EYS: variants seen among roughly 807,000 people sequenced by gnomAD.
The protein encoded by EYS is EGF-like photoreceptor maintenance factor, also known as protein eyes shut homolog.
A neutral mutation model predicts 282.1 loss-of-function variants in EYS; 250 were observed. The ratio of observed to expected loss-of-function variants is 0.89; its 90% CI spans 0.80 to 0.98. EYS has a LOEUF of 0.98. Among genes scored for constraint, EYS ranks in the 50% least tolerant of loss-of-function variants. The probability of loss-of-function intolerance (pLI) is 0.00; values close to 1 mark genes in which losing one functional copy is unlikely to be tolerated. For synonymous variants in EYS, 1,355 were observed against 1,282.9 expected, an observed-to-expected ratio of 1.06 and a Z score of -1.20; for missense variants, 4,016 against 3,709.0, an observed-to-expected ratio of 1.08 and a Z score of -2.15.
chr6:64,488,644 T>C (rs1484410008), intron 26 of EYS, among the ~76,000 whole-genome samples: 1 of 151,086 alleles, frequency 6.6e-6, no homozygotes, highest in Non-Finnish European at 1.5e-5. Flanking sequence ...TAACTATGTT[T>C]ATAATAAAAA....
Position 65,120,460 on chromosome 6 carries a change from C to CAAAAAAAAAAAAA in EYS, c.2024-62746_2024-62734dup, listed in dbSNP as rs67505285. ...ACATTACTCTTTTTCTTTAAATAAGCAAAAAAAAAAAAAAAAAAAAAAAAT... is the reference window on the plus strand; with the variant it reads ...ACATTACTCTTTTTCTTTAAATAAGCAAAAAAAAAAAAAAAAAAAAAAAAAAAAAAAAAAAAAT... On this transcript the variant is annotated intron_variant, in intron 12 of 42. Transcript: ENST00000503581. Among the ~76,000 whole-genome samples, 65 of 68,256 alleles carry CAAAAAAAAAAAAA rather than the reference C, an allele frequency of 9.5e-4. 1 individual carries two copies. The highest frequency in any genetic ancestry group is 2.7e-3 in the African/African-American group (45 of 16,726). 44.8% of individuals were successfully genotyped at this position (68,256 alleles called of 152,430 possible). A position where few individuals can be genotyped will look rare whatever the true frequency, so the allele number is the denominator to read the frequency against.
intron 7 of EYS, among the ~76,000 whole-genome samples, chr6:65,402,079 T>C (rs1222941801): frequency 6.6e-6 from 1 of 151,872 alleles, no homozygotes; most frequent in Non-Finnish European, 1.5e-5. Flanking sequence ...CTGAGGTTTG[T>C]GAAACACAGG....
intron 12 of EYS, among the ~76,000 whole-genome samples, chr6:65,271,127 A>ATTATATATATATATAT: frequency 1.6e-4 from 1 of 6,278 alleles, no homozygotes; most frequent in South Asian, 0.016. Context: ...GAATCAATAG[A>ATTATATATATATATAT]TTATATATAT....
At chr6:65,300,085 A>T (rs1768775822) in intron 11 of EYS, among the ~76,000 whole-genome samples, 1 of 152,090 alleles carries the variant, frequency 6.6e-6, no homozygotes, top group Non-Finnish European at 1.5e-5. Flanking sequence ...CTATATTTTT[A>T]GTTTTGTTTA....
chr6:65,095,316 A>C (rs1222256768), intron 12 of EYS, among the ~76,000 whole-genome samples: 1 of 151,188 alleles, frequency 6.6e-6, no homozygotes, highest in African/African-American at 2.4e-5. Context: ...GACAAGAATA[A>C]TAATTTCAAG....
chr6:65,294,651 C>T (rs921977788), intron 12 of EYS, among the ~76,000 whole-genome samples: 1 of 151,638 alleles, frequency 6.6e-6, no homozygotes, highest in African/African-American at 2.4e-5. Flanking sequence ...TTTAGCCATG[C>T]AAAAGGATTA....
At chr6:64,337,050 G>C (rs1368507190) in intron 29 of EYS, among the ~76,000 whole-genome samples, 4 of 151,840 alleles carry the variant, frequency 2.6e-5, no homozygotes, top group Non-Finnish European at 5.9e-5. Context: ...GACATTCTAA[G>C]GTCACACCTC....
intron 14 of EYS, among the ~76,000 whole-genome samples, chr6:64,992,204 TA>T (rs1771087618): frequency 6.6e-6 from 1 of 151,836 alleles, no homozygotes; most frequent in Non-Finnish European, 1.5e-5. Context: ...GACACTAAAA[TA>T]AAAAGGTATA....
chr6:63,914,329 G>T (rs1412621610), intron 35 of EYS, among the ~76,000 whole-genome samples: 4 of 152,154 alleles, frequency 2.6e-5, no homozygotes, highest in African/African-American at 9.7e-5. Flanking sequence ...AGAAAGCTAG[G>T]CCTCTTGCAC....
intron 22 of EYS, among the ~76,000 whole-genome samples, chr6:64,797,859 C>T (rs1055244030): frequency 9.9e-5 from 15 of 152,040 alleles, no homozygotes; most frequent in East Asian, 5.8e-4. Context: ...TGCAAATTGT[C>T]TATTTATGTT....
At chr6:65,177,737 C>CTACA (rs1765262483) in intron 12 of EYS, among the ~76,000 whole-genome samples, 1 of 151,672 alleles carries the variant, frequency 6.6e-6, no homozygotes, top group African/African-American at 2.4e-5. Context: ...TATACATAAT[C>CTACA]TACATAGATC....
At chr6:64,067,974 C>A (rs1771438591) in intron 32 of EYS, among the ~76,000 whole-genome samples, 1 of 152,092 alleles carries the variant, frequency 6.6e-6, no homozygotes, top group African/African-American at 2.4e-5. Flanking sequence ...ATATGTCTTT[C>A]AGTTAAATTG....
chr6:64,506,851 G>A, intron 26 of EYS, among the ~76,000 whole-genome samples: 1 of 145,210 alleles, frequency 6.9e-6, no homozygotes, highest in Non-Finnish European at 1.5e-5. Flanking sequence ...GGAGCTTGTA[G>A]TGAGCTAAGA....
intron 28 of EYS, among the ~76,000 whole-genome samples, chr6:64,417,053 C>T (rs1774078918): frequency 6.6e-6 from 1 of 152,078 alleles, no homozygotes; most frequent in Non-Finnish European, 1.5e-5. Context: ...TTGTACGGTA[C>T]TGCAATAATA....
chr6:64,411,938 T>G, intron 28 of EYS, among the ~76,000 whole-genome samples: 1 of 151,584 alleles, frequency 6.6e-6, no homozygotes, highest in Non-Finnish European at 1.5e-5. Flanking sequence ...TGTATATATG[T>G]TTATATATGC....
At chr6:63,735,493 T>TCACA (rs56885891) in intron 41 of EYS, among the ~76,000 whole-genome samples, 12,108 of 147,994 alleles carry the variant, frequency 0.082, 515 homozygotes, top group East Asian at 0.15. Flanking sequence ...TCTGTCTCTG[T>TCACA]CACACACACA....
chr6:64,312,665 C>A (rs545917259), intron 29 of EYS, among the ~76,000 whole-genome samples: 1 of 152,146 alleles, frequency 6.6e-6, no homozygotes, highest in Non-Finnish European at 1.5e-5. Context: ...CCCTCTGGGA[C>A]GAAGCTTCCA....
At chr6:65,583,378 C>T (rs354355) in intron 2 of EYS, among the ~76,000 whole-genome samples, 2,175 of 152,014 alleles carry the variant, frequency 0.014, 43 homozygotes, top group African/African-American at 0.049. Flanking sequence ...CTATGCTTTT[C>T]GTTAAGTAAG....
At position 63,919,698 on chromosome 6, in the gene EYS, G is replaced by A. The variant is rs538642142; in HGVS notation, c.7056-55340C>T. ...TTTCCCTAGGTGAAAGGAAAGTGGC[G>A]AAGCCACAGTTACTGCTGGTACTTG... On this transcript the variant is annotated intron_variant, in intron 35 of 42. Coordinates refer to ENST00000503581, the MANE Select transcript of EYS (RefSeq NM_001142800.2). Among the ~76,000 whole-genome samples the A allele has an allele frequency of 1.3e-4, 20 of 152,328 alleles. No homozygotes were observed. In the East Asian group the frequency reaches 2.1e-3, roughly 16 times the overall value.
Sources: allele counts gnomAD v4.1 joint callset (sites outside exome capture counted in the v4.1 genomes callset), GRCh38; gene constraint gnomAD v4.1.1; transcripts MANE v1.5; gene names NCBI Gene and HGNC (gene_info 2026-07-23, HGNC 2026-07-21).